The following SORCS2 variants were observed in gnomAD, a reference collection of about 807,000 sequenced individuals.
SORCS2 encodes the protein sortilin related VPS10 domain containing receptor 2, also known as VPS10 domain-containing receptor SorCS2.
In SORCS2, 100 loss-of-function variants were observed where a neutral mutation model predicts 141.6. The ratio of observed to expected loss-of-function variants is 0.71; its 90% confidence interval spans 0.60 to 0.83. The LOEUF (loss-of-function observed/expected upper bound fraction) is 0.83. SORCS2 is among the 40% of genes least tolerant of loss of function. The pLI is 0.00. For synonymous variants in SORCS2, 789 were observed against 676.9 expected (o/e 1.17, Z -2.57); for missense variants, 1,646 against 1,560.2 (o/e 1.05, Z -0.93).
intron 3 of SORCS2, among the ~76,000 whole-genome samples, chr4:7,616,345 CCATCCACCTATT>C (rs1473325981): frequency 6.6e-6 from 1 of 152,120 alleles, no homozygotes; most frequent in Non-Finnish European, 1.5e-5. Context: ...CACCCATCCA[CCATCCACCTATT>C]CATCCACCTA....
chr4:7,194,502 AGG>A (rs1273089326), intron 1 of SORCS2, among the ~76,000 whole-genome samples: 1 of 152,204 alleles, frequency 6.6e-6, no homozygotes. Context: ...AGCATCTATC[AGG>A]GTACAGGTGC....
At chr4:7,331,131 G>A (rs762659842) in intron 1 of SORCS2, among the ~76,000 whole-genome samples, 31 of 152,146 alleles carry the variant, frequency 2.0e-4, no homozygotes, top group Non-Finnish European at 4.0e-4. Flanking sequence ...TGGGGACAGG[G>A]TGGAGGAACT....
At chr4:7,353,538 G>C (rs1008257736) in intron 1 of SORCS2, among the ~76,000 whole-genome samples, 4 of 152,222 alleles carry the variant, frequency 2.6e-5, no homozygotes, top group African/African-American at 7.2e-5. Context: ...GCACTTAGTA[G>C]ATGCTCAGTA....
At chr4:7,326,467 C>T (rs1209624403) in intron 1 of SORCS2, among the ~76,000 whole-genome samples, 2 of 152,118 alleles carry the variant, frequency 1.3e-5, no homozygotes, top group African/African-American at 4.8e-5. Context: ...TCTGCCTTCC[C>T]CTCCCCAAGC....
intron 3 of SORCS2, among the ~76,000 whole-genome samples, chr4:7,627,457 A>G (rs1398196026): frequency 6.6e-6 from 1 of 152,030 alleles, no homozygotes; most frequent in Non-Finnish European, 1.5e-5. Flanking sequence ...TTGTGCATGA[A>G]CTCCCATGCC....
rs1405729889 is a variant in SORCS2 at position 7,373,481 on chromosome 4, T to A, written c.481-22807T>A. Reference sequence around the variant, plus strand: ...TTTTATATATATATATATATATATTTTTTTTTTTTTTTTTTTTTTTTTTTT... The same window carrying A: ...TTTTATATATATATATATATATATTATTTTTTTTTTTTTTTTTTTTTTTTT... On this transcript the variant is annotated intron_variant, in intron 1 of 26. Transcript: ENST00000507866. Among the ~76,000 whole-genome samples the A allele has an allele frequency of 1.3e-3, 40 of 29,818 alleles. 1 individual carries two copies. The highest frequency in any genetic ancestry group is 4.8e-3 in the South Asian group (3 of 628). The allele number at this position is 29,818 out of a possible 152,430, so 19.6% of individuals were successfully genotyped here.
At position 7,295,728 on chromosome 4, in the gene SORCS2, A is replaced by G. The variant is rs142980902; in HGVS notation, c.481-100560A>G. On this transcript the variant is annotated intron_variant, in intron 1 of 26. Coordinates refer to ENST00000507866, the MANE Select transcript of SORCS2 (RefSeq NM_020777.3). The stretch of plus-strand genomic sequence containing the variant: ...TGTTGCCACCATGTGGGGTGGGGAC[A>G]TGCCCAGCATTGGATATGGCACCCA... Among the ~76,000 whole-genome samples, 19 of 152,340 alleles carry G rather than the reference A, an allele frequency of 1.2e-4. No individual in the cohort carries two copies. The East Asian group carries it at 3.7e-3, about 29-fold the overall frequency.
intron 1 of SORCS2, among the ~76,000 whole-genome samples, chr4:7,359,416 G>A (rs1203289175): frequency 1.3e-5 from 2 of 152,230 alleles, no homozygotes; most frequent in Admixed American, 1.3e-4. Context: ...CTACAGGCAT[G>A]AGCCAACGTG....
intron 2 of SORCS2, among the ~76,000 whole-genome samples, chr4:7,480,720 G>C (rs11945406): frequency 1.3e-5 from 2 of 152,162 alleles, no homozygotes; most frequent in African/African-American, 4.8e-5. Flanking sequence ...CTGGAGTTGT[G>C]GGGAGGGCGC....
rs542117700 is a variant in SORCS2 at position 7,230,669 on chromosome 4, A to C, written c.480+37543A>C. On this transcript the variant is annotated intron_variant, in intron 1 of 26. Transcript: ENST00000507866. ...TGTATGAAGGAGATGAAGATGGTCA[A>C]GTCTTCGAGTCTCTGGGCAGGAGCA... Among the ~76,000 whole-genome samples, 6 of 112,130 alleles carry C rather than the reference A, an allele frequency of 5.4e-5. No individual in the cohort carries two copies. In the South Asian group the frequency reaches 1.7e-3, roughly 31 times the overall value. 73.6% of individuals were successfully genotyped at this position (112,130 alleles called of 152,430 possible). A position where few individuals can be genotyped will look rare whatever the true frequency, so the allele number is the denominator to read the frequency against.
intron 3 of SORCS2, among the ~76,000 whole-genome samples, chr4:7,593,967 C>T (rs1156392777): frequency 6.6e-6 from 1 of 152,224 alleles, no homozygotes. Flanking sequence ...TGAAATCCAT[C>T]CTGACACCCT....
chr4:7,724,883 GTGGTGT>G (rs199681182), intron 19 of SORCS2, among the ~76,000 whole-genome samples: 1 of 75,554 alleles, frequency 1.3e-5, no homozygotes, highest in African/African-American at 5.7e-5. Flanking sequence ...GGTGATGGTG[GTGGTGT>G]TGGTGATGGT....
In SORCS2 at chr4:7,676,907, C is replaced by CTCTCTCTCT. The variant is rs1560475883; in HGVS notation, c.1341+678_1341+679insTCTCTCTCT. Among the ~76,000 whole-genome samples the CTCTCTCTCT allele has an allele frequency of 4.2e-4, 3 of 7,078 alleles. No individual in the cohort carries two copies. The Admixed American group carries it at 4.3e-3, about 10-fold the overall frequency. 4.6% of individuals were successfully genotyped at this position (7,078 alleles called of 152,430 possible). A position where few individuals can be genotyped will look rare whatever the true frequency, so the allele number is the denominator to read the frequency against. On this transcript the variant is annotated intron_variant, in intron 9 of 26. Coordinates refer to ENST00000507866, the MANE Select transcript of SORCS2 (RefSeq NM_020777.3). ...TGAAGTTGGCCTCTCTCTCTCTCTC[C>CTCTCTCTCT]CTCTCTCCCTCTCTCCCTCTCTCCC...
chr4:7,274,247 G>A (rs1374983779), intron 1 of SORCS2, among the ~76,000 whole-genome samples: 1 of 152,242 alleles, frequency 6.6e-6, no homozygotes, highest in Non-Finnish European at 1.5e-5. Context: ...CTGAAGTGGG[G>A]AACTTCGGGT....
chr4:7,273,261 G>T (rs984400851), intron 1 of SORCS2, among the ~76,000 whole-genome samples: 1 of 152,222 alleles, frequency 6.6e-6, no homozygotes, highest in African/African-American at 2.4e-5. Context: ...GAGAGGATCT[G>T]TCAATGGAAG....
chr4:7,627,219 A>G (rs958758184), intron 3 of SORCS2, among the ~76,000 whole-genome samples: 3 of 152,142 alleles, frequency 2.0e-5, no homozygotes, highest in African/African-American at 7.2e-5. Context: ...TCCTGGACTC[A>G]AGCGATTCAC....
At chr4:7,272,026 A>G (rs1715174418) in intron 1 of SORCS2, among the ~76,000 whole-genome samples, 3 of 152,112 alleles carry the variant, frequency 2.0e-5, no homozygotes, top group Non-Finnish European at 1.5e-5. Flanking sequence ...GTGTGTGCAC[A>G]CTCACATGCT....
intron 2 of SORCS2, among the ~76,000 whole-genome samples, chr4:7,470,105 G>C (rs1237255787): frequency 6.6e-6 from 1 of 152,124 alleles, no homozygotes; most frequent in Non-Finnish European, 1.5e-5. Flanking sequence ...AGGAAAGGGG[G>C]CCCAGATTGT....
At chr4:7,381,082 C>CAAAAAAA (rs397745880) in intron 1 of SORCS2, among the ~76,000 whole-genome samples, 180 of 103,940 alleles carry the variant, frequency 1.7e-3, no homozygotes, top group African/African-American at 6.3e-3. Flanking sequence ...ACTCTGTCTC[C>CAAAAAAA]AAAAAAAAAA....
Sources: allele counts gnomAD v4.1 joint callset (sites outside exome capture counted in the v4.1 genomes callset), GRCh38; gene constraint gnomAD v4.1.1; transcripts MANE v1.5; gene names NCBI Gene and HGNC (gene_info 2026-07-23, HGNC 2026-07-21).